Variants in ALDH1L1 observed in about 807,000 individuals in gnomAD.
The protein encoded by ALDH1L1 is cytosolic 10-formyltetrahydrofolate dehydrogenase.
Under a neutral mutation model 101.1 loss-of-function variants are expected in ALDH1L1, and 68 were observed. The ratio of observed to expected loss-of-function variants is 0.67; its 90% CI spans 0.55 to 0.82. The LOEUF (loss-of-function observed/expected upper bound fraction) is 0.82, where lower values mean the gene tolerates loss of function less well. Ranked by LOEUF, ALDH1L1 falls within the 40% of genes least tolerant of loss-of-function variation. The probability of loss-of-function intolerance (pLI) is 0.00; values close to 1 mark genes in which losing one functional copy is unlikely to be tolerated. For synonymous variants in ALDH1L1, 486 were observed against 470.8 expected (o/e 1.03, Z -0.42); for missense variants, 1,087 against 1,172.7 (o/e 0.93, Z 1.07).
At chr3:126,112,992 C>T in intron 18 of ALDH1L1, 112 bp from the exon 19 acceptor site, 1 of 864,254 alleles carries the variant, frequency 1.2e-6, no homozygotes, top group Non-Finnish European at 1.8e-6. Flanking sequence ...ACCCATGTGT[C>T]CTGATCTCCT....
At chr3:126,115,115 G>C (rs920343873) in intron 17 of ALDH1L1, 1 of 457,150 alleles carries the variant, frequency 2.2e-6, no homozygotes, top group African/African-American at 2.0e-5. Context: ...CACAGTGCCT[G>C]CACGCAGCTG....
At chr3:126,144,904 G>A (rs371979168) in intron 9 of ALDH1L1, among the ~76,000 whole-genome samples, 6 of 152,166 alleles carry the variant, frequency 3.9e-5, no homozygotes, top group Non-Finnish European at 5.9e-5. Flanking sequence ...CATGGAATGC[G>A]AGAAAACTTC....
In ALDH1L1 at chr3:126,124,343, G is replaced by A. The variant is rs370854495; in HGVS notation, c.1888+21C>T. On this transcript the variant is annotated intron_variant, in intron 16 of 22. Coordinates refer to ENST00000393434, the MANE Select transcript of ALDH1L1 (RefSeq NM_012190.4). ...TCCAGCTGCCAGAAGCCCTAGCCCT[G>A]CCCCCGACAATGGCTCTTACCAGAT... is the stretch of plus-strand genomic sequence containing the variant. 8.8e-6 allele frequency: 14 copies of A among 1,599,432 alleles called. No individual in the cohort carries two copies. The African/African-American group carries it at 1.9e-4, about 22-fold the overall frequency.
chr3:126,168,762 G>C, intron 1 of ALDH1L1, among the ~76,000 whole-genome samples: 1 of 152,072 alleles, frequency 6.6e-6, no homozygotes, highest in Middle Eastern at 3.2e-3. Flanking sequence ...CTGTCTAATA[G>C]GTTATATTCT....
chr3:126,113,856 T>C (rs1946157462), intron 18 of ALDH1L1, among the ~76,000 whole-genome samples: 2 of 152,242 alleles, frequency 1.3e-5, no homozygotes, highest in Admixed American at 1.3e-4. Flanking sequence ...ATGTCTCAAG[T>C]GGCACTTGCC....
chr3:126,128,742 G>A (rs1222926208), intron 14 of ALDH1L1: 1 of 152,376 alleles, frequency 6.6e-6, no homozygotes, highest in Non-Finnish European at 1.5e-5. Flanking sequence ...GGCGCCCAGA[G>A]TCCTGGGTCC....
intron 8 of ALDH1L1, among the ~76,000 whole-genome samples, chr3:126,149,368 G>GT (rs148810224): frequency 0.015 from 2,308 of 152,296 alleles, 55 homozygotes; most frequent in African/African-American, 0.052. Flanking sequence ...TGCAGCTGTT[G>GT]TAAGATAGCA....
rs143558305 is a variant in ALDH1L1, at chr3:126,188,055, A to G, written c.-24+9680T>C. 4.0e-3 allele frequency among the ~76,000 whole-genome samples: 609 copies of G among 152,344 alleles called. 4 individuals carry two copies. Among genetic ancestry groups the G allele is most frequent in the African/African-American group, 0.014 (576 of 41,576 alleles). ...TATGGACAGAAAGTGGAAGTGAGGC[A>G]AAAAGAACAACTTAATTGGTTGCAG... On this transcript the variant is annotated intron_variant, in intron 1 of 2. Coordinates refer to the ALDH1L1 transcript ENST00000509952.
intron 2 of ALDH1L1, chr3:126,159,673 C>A (rs2081000425): frequency 2.6e-6 from 1 of 385,486 alleles, no homozygotes; most frequent in Non-Finnish European, 5.2e-6. Flanking sequence ...CATCTGAGAT[C>A]AAGGCCAAGT....
chr3:126,140,442 C>T (rs544707194), intron 9 of ALDH1L1, among the ~76,000 whole-genome samples: 1 of 152,170 alleles, frequency 6.6e-6, no homozygotes, highest in South Asian at 2.1e-4. Flanking sequence ...GTACCATAGA[C>T]TTGATGACAC....
At chr3:126,109,506 G>T (rs377164553) in intron 20 of ALDH1L1, among the ~76,000 whole-genome samples, 22 of 152,264 alleles carry the variant, frequency 1.4e-4, no homozygotes, top group East Asian at 1.2e-3. Flanking sequence ...CTGCTGCAGG[G>T]GAGAGATCCT....
chr3:126,135,326 C>A (rs990892180), intron 12 of ALDH1L1: 32 of 545,198 alleles, frequency 5.9e-5, no homozygotes, highest in Admixed American at 4.3e-4. Context: ...TGAAATGTCT[C>A]CTGTTTCTCA....
chr3:126,155,211 C>A (rs1362906588), intron 5 of ALDH1L1, among the ~76,000 whole-genome samples, 191 bp downstream of exon 5: 2 of 152,172 alleles, frequency 1.3e-5, no homozygotes, highest in African/African-American at 4.8e-5. Context: ...TGTTCGCTAC[C>A]CTCCCAGGTG....
At chr3:126,158,383 C>G in intron 3 of ALDH1L1, 22 bp downstream of exon 3, 1 of 1,540,106 alleles carries the variant, frequency 6.5e-7, no homozygotes, top group Non-Finnish European at 8.8e-7. Flanking sequence ...GGATGGCCCC[C>G]TGTGTTTTTG....
chr3:126,167,418 T>C (rs1236429286), intron 1 of ALDH1L1, among the ~76,000 whole-genome samples: 1 of 152,188 alleles, frequency 6.6e-6, no homozygotes, highest in African/African-American at 2.4e-5. Flanking sequence ...AAAAAAGTTG[T>C]CTTCATTGTA....
rs753247080 is a variant in ALDH1L1 at position 126,135,553 on chromosome 3, C to G, written c.1454G>C (p.Arg485Pro). The change falls in exon 12 of 23, where the codon CGG becomes CCG. Residue 485 changes from arginine to proline, a missense_variant. Arg to Pro is a moderately radical substitution (Grantham distance 103). Transcript: ENST00000393434. ...CTCCCACCTGTACATCAGCCGGCCC[C>G]GGTCCCGCGCACTGATCTTCCCCCA... ...GRWGKISARD[R>P]GRLMYRLADL... The G allele has an allele frequency of 6.2e-7, 1 of 1,608,530 alleles. No homozygotes were observed. Among genetic ancestry groups the G allele is most frequent in the Non-Finnish European group, 8.5e-7 (1 of 1,178,130 alleles).
chr3:126,196,998 A>G (rs2081585122), intron 1 of ALDH1L1, among the ~76,000 whole-genome samples: 1 of 120,574 alleles, frequency 8.3e-6, no homozygotes, highest in Non-Finnish European at 1.8e-5. Flanking sequence ...CATGAACCCT[A>G]AAATTCCTAT....
chr3:126,126,382 TTTGG>T (rs2080184248), intron 14 of ALDH1L1, among the ~76,000 whole-genome samples: 1 of 152,112 alleles, frequency 6.6e-6, no homozygotes, highest in African/African-American at 2.4e-5. Context: ...ACAGCACCAC[TTTGG>T]TTGAGCGCTG....
intron 15 of ALDH1L1, among the ~76,000 whole-genome samples, chr3:126,124,950 C>T (rs1287168064): frequency 1.3e-5 from 2 of 152,168 alleles, no homozygotes; most frequent in South Asian, 2.1e-4. Context: ...AAGAAGCTGG[C>T]GAGTGGGTGC....
Sources: allele counts gnomAD v4.1 joint callset (sites outside exome capture counted in the v4.1 genomes callset), GRCh38; gene constraint gnomAD v4.1.1; transcripts MANE v1.5; gene names NCBI Gene and HGNC (gene_info 2026-07-23, HGNC 2026-07-21).